Variants in RNF144B observed in about 807,000 individuals in gnomAD.
RNF144B encodes E3 ubiquitin-protein ligase RNF144B.
Under a neutral mutation model 40.2 loss-of-function variants are expected in RNF144B, and 25 were observed. The ratio of observed to expected loss-of-function variants is 0.62; its 90% CI spans 0.45 to 0.87. The LOEUF (loss-of-function observed/expected upper bound fraction) is 0.87. Among genes scored for constraint, RNF144B ranks in the 40% least tolerant of loss-of-function variants. RNF144B has a pLI of 0.00. For missense variants in RNF144B, 365 were observed against 373.7 expected, an observed-to-expected ratio of 0.98 and a Z score of 0.19; for synonymous variants, 145 against 136.3, an observed-to-expected ratio of 1.06 and a Z score of -0.44.
chr6:18,416,779 G>C lies in RNF144B; in HGVS notation c.166-10802G>C, dbSNP rs913114668. On this transcript the variant is annotated intron_variant, in intron 2 of 7. Coordinates refer to ENST00000259939, the MANE Select transcript of RNF144B (RefSeq NM_182757.4). The surrounding 1 kb of genome is among the most constrained non-coding windows in gnomAD (Gnocchi z 5.5). ...CTCTATGGAGAGGTTGGGTAGAAAA[G>C]AGTGATGAGGGGCATAAAAGTATCT... Among the ~76,000 whole-genome samples, 3 of 152,172 alleles carry C rather than the reference G, an allele frequency of 2.0e-5. No individual in the cohort carries two copies. Among genetic ancestry groups the C allele is most frequent in the African/African-American group, 4.8e-5 (2 of 41,444 alleles).
intron 4 of RNF144B, among the ~76,000 whole-genome samples, chr6:18,452,511 A>T (rs1474916188): frequency 6.6e-6 from 1 of 152,218 alleles, no homozygotes; most frequent in African/African-American, 2.4e-5. Flanking sequence ...AATGTGTTTC[A>T]GTATTATAAA....
intron 4 of RNF144B, among the ~76,000 whole-genome samples, chr6:18,451,045 A>G (rs1296518413): frequency 1.3e-5 from 2 of 152,254 alleles, no homozygotes; most frequent in Non-Finnish European, 2.9e-5. Context: ...CTTTCCATAT[A>G]TAACTATTAA....
At chr6:18,440,429 C>G (rs957841493) in intron 4 of RNF144B, among the ~76,000 whole-genome samples, 5 of 151,976 alleles carry the variant, frequency 3.3e-5, no homozygotes, top group Admixed American at 6.6e-5. Context: ...AATTGTTTCT[C>G]CCAGAAGTTA....
rs1758779113 is a variant in RNF144B, at chr6:18,434,726, A to G, written c.271-4958A>G. 6.6e-6 allele frequency among the ~76,000 whole-genome samples: 1 copy of G among 152,134 alleles called. No homozygotes were observed. The highest frequency in any genetic ancestry group is 2.4e-5 in the African/African-American group (1 of 41,426). On this transcript the variant is annotated intron_variant, in intron 3 of 7. Transcript: ENST00000259939. This position sits in a 1 kb window ranked among gnomAD's most constrained non-coding sequence, Gnocchi z 4.1. ...AAGCTCCGCCTCCCAGGTTCATGCC[A>G]TTCTGCTGCCTCAGCCTCCTGAGTA...
At position 18,395,379 on chromosome 6, in the gene RNF144B, A is replaced by G. The variant is rs1448647755; in HGVS notation, c.-36-4120A>G. On this transcript the variant is annotated intron_variant, in intron 1 of 7. Transcript: ENST00000259939. This position sits in a 1 kb window ranked among gnomAD's most constrained non-coding sequence, Gnocchi z 4.5. ...AATGCCCTGAGCTTCCTGAGGCTCT[A>G]CTATTGGGGGTTTCATGCTGTGAAG... 6.6e-6 allele frequency among the ~76,000 whole-genome samples: 1 copy of G among 152,132 alleles called. No individual in the cohort carries two copies. Among genetic ancestry groups the G allele is most frequent in the Non-Finnish European group, 1.5e-5 (1 of 68,028 alleles).
At chr6:18,401,702 A>G (rs1222533790) in intron 2 of RNF144B, among the ~76,000 whole-genome samples, 1 of 152,190 alleles carries the variant, frequency 6.6e-6, no homozygotes, top group Non-Finnish European at 1.5e-5. Flanking sequence ...TTCAGTATCA[A>G]ATGTTTTGTA....
rs1759583178 is a variant in RNF144B at position 18,466,989 on chromosome 6, C to G, written c.*1922C>G. ...TATTGTGTCTTTTTCTTTTGAAACT[C>G]TAAACACTTCAGAAAAAAACACTAT... On this transcript the variant is annotated 3_prime_UTR_variant, in exon 8 of 8. Transcript: ENST00000259939. 6.6e-6 allele frequency: 1 copy of G among 152,276 alleles called. No individual in the cohort carries two copies. The highest frequency in any genetic ancestry group is 2.1e-4 in the South Asian group (1 of 4,806). 9.4% of individuals were successfully genotyped at this position (152,276 alleles called of 1,614,324 possible).
chr6:18,419,138 A>G lies in RNF144B; in HGVS notation c.166-8443A>G, dbSNP rs80089383. ...ACATTCAAGTTTGAGAAACATTGTC[A>G]GTAAGGTAGTTGAATAGTAAGGCAG... is the stretch of plus-strand genomic sequence containing the variant. On this transcript the variant is annotated intron_variant, in intron 2 of 7. Coordinates refer to ENST00000259939, the MANE Select transcript of RNF144B (RefSeq NM_182757.4). The surrounding 1 kb of genome is among the most constrained non-coding windows in gnomAD (Gnocchi z 4.6). 9.8e-5 allele frequency among the ~76,000 whole-genome samples: 15 copies of G among 152,288 alleles called. No homozygotes were observed. The East Asian group carries it at 2.3e-3, about 24-fold the overall frequency.
chr6:18,422,632 C>T lies in RNF144B; in HGVS notation c.166-4949C>T, dbSNP rs552595570. 7.2e-5 allele frequency among the ~76,000 whole-genome samples: 11 copies of T among 152,240 alleles called. No homozygotes were observed. Among genetic ancestry groups the T allele is most frequent in the Non-Finnish European group, 1.5e-4 (10 of 68,020 alleles). Reference sequence around the variant, plus strand: ...GACCACAGGACCCCAGCGCCTGCATCCAGAAGCATCTAAGATCCTGGAAGT... The same window carrying T: ...GACCACAGGACCCCAGCGCCTGCATTCAGAAGCATCTAAGATCCTGGAAGT... On this transcript the variant is annotated intron_variant, in intron 2 of 7. Coordinates refer to ENST00000259939, the MANE Select transcript of RNF144B (RefSeq NM_182757.4). The surrounding 1 kb of genome is among the most constrained non-coding windows in gnomAD (Gnocchi z 4.7).
intron 3 of RNF144B, among the ~76,000 whole-genome samples, chr6:18,436,321 G>A (rs986428371): frequency 6.6e-6 from 1 of 152,062 alleles, no homozygotes; most frequent in African/African-American, 2.4e-5. Context: ...ACCACAGCTA[G>A]GTACAAGTTG....
intron 7 of RNF144B, among the ~76,000 whole-genome samples, chr6:18,463,601 C>T (rs1759516387): frequency 6.6e-6 from 1 of 152,162 alleles, no homozygotes; most frequent in Admixed American, 6.5e-5. Context: ...AACAGGGGCA[C>T]CAGAGCTGCC....
At chr6:18,451,877 T>A (rs1249009893) in intron 4 of RNF144B, among the ~76,000 whole-genome samples, 1 of 152,224 alleles carries the variant, frequency 6.6e-6, no homozygotes, top group Admixed American at 6.5e-5. Flanking sequence ...AAGTGATACT[T>A]CATAAAGGAG....
chr6:18,399,557 A>G lies in RNF144B; in HGVS notation c.23A>G (p.His8Arg), dbSNP rs1254151929. ...CTGATGGGCTCAGCTGGTAGGCTCC[A>G]CTATCTCGCCATGACTGCTGAAAAT... is the stretch of plus-strand genomic sequence containing the variant. MGSAGRLHYLAMTAENPT... is the reference protein window; with the variant it reads MGSAGRLRYLAMTAENPT... Residue 8 changes from histidine to arginine, a missense_variant, in exon 2 of 8, where the codon CAC becomes CGC. Transcript: ENST00000259939. 2 of 1,614,044 alleles carry G rather than the reference A, an allele frequency of 1.2e-6. No homozygotes were observed. The highest frequency in any genetic ancestry group is 1.3e-5 in the African/African-American group (1 of 74,920).
Position 18,412,666 on chromosome 6 carries a change from T to C in RNF144B, c.165+12967T>C, listed in dbSNP as rs1795071145. ...GTGAGTTAACTAGAAAATTCAGTTT[T>C]TTAAAATCCCATTTTCTGTATATTT... On this transcript the variant is annotated intron_variant, in intron 2 of 7. Coordinates refer to ENST00000259939, the MANE Select transcript of RNF144B (RefSeq NM_182757.4). This position sits in a 1 kb window ranked among gnomAD's most constrained non-coding sequence, Gnocchi z 4.2. Among the ~76,000 whole-genome samples the C allele has an allele frequency of 6.6e-6, 1 of 152,206 alleles. No individual in the cohort carries two copies. Among genetic ancestry groups the C allele is most frequent in the Non-Finnish European group, 1.5e-5 (1 of 68,038 alleles).
At chr6:18,433,649 G>A (rs1758746138) in intron 3 of RNF144B, among the ~76,000 whole-genome samples, 1 of 152,170 alleles carries the variant, frequency 6.6e-6, no homozygotes, top group Non-Finnish European at 1.5e-5. Context: ...ACAAAGACCA[G>A]TGAAAGCTGC....
rs760698757 is a variant in RNF144B, at chr6:18,439,752, C to A, written c.331+8C>A. On this transcript the variant is annotated splice_region_variant and intron_variant, in intron 4 of 7. Transcript: ENST00000259939. ...GGTTAAAATTTGAAAGAGGTATGAA[C>A]TCTTCTTTTTTTCCTGATGATGAAT... The A allele has an allele frequency of 9.4e-6, 15 of 1,589,996 alleles. No individual in the cohort carries two copies. The East Asian group carries it at 1.1e-4, about 12-fold the overall frequency.
In RNF144B at chr6:18,442,012, A is replaced by G. The variant is rs918016483; in HGVS notation, c.331+2268A>G. On this transcript the variant is annotated intron_variant, in intron 4 of 7. Transcript: ENST00000259939. This position sits in a 1 kb window ranked among gnomAD's most constrained non-coding sequence, Gnocchi z 4.3. ...ACCGTTCTTCAGGAAATATCATCAT[A>G]CTGAAGTAGATATTATTGATTGTCT... Among the ~76,000 whole-genome samples the G allele has an allele frequency of 6.6e-6, 1 of 152,222 alleles. No individual in the cohort carries two copies. Among genetic ancestry groups the G allele is most frequent in the Non-Finnish European group, 1.5e-5 (1 of 68,042 alleles).
chr6:18,467,419 T>TTTTTTC lies in RNF144B; in HGVS notation c.*2352_*2353insTTTTTC, dbSNP rs1364753612. On this transcript the variant is annotated 3_prime_UTR_variant, in exon 8 of 8. Coordinates refer to ENST00000259939, the MANE Select transcript of RNF144B (RefSeq NM_182757.4). The stretch of plus-strand genomic sequence containing the variant: ...GCTTTTGTTTTTTTTTTTTTTTTTT[T>TTTTTTC]GCCAGGGCTATGGAGTGGGGGTTGT... The TTTTTTC allele has an allele frequency of 6.6e-6, 1 of 150,558 alleles. No individual in the cohort carries two copies. Among genetic ancestry groups the TTTTTTC allele is most frequent in the Non-Finnish European group, 1.5e-5 (1 of 67,746 alleles). The allele number at this position is 150,558 out of a possible 1,614,324, so 9.3% of individuals were successfully genotyped here. A position where few individuals can be genotyped will look rare whatever the true frequency, so the allele number is the denominator to read the frequency against.
In RNF144B at chr6:18,416,384, G is replaced by T. The variant is rs6911635; in HGVS notation, c.166-11197G>T. On this transcript the variant is annotated intron_variant, in intron 2 of 7. Transcript: ENST00000259939. The surrounding 1 kb of genome is among the most constrained non-coding windows in gnomAD (Gnocchi z 5.5). ...TCTTCCATTTTAGCAAATTTGTTTG[G>T]CTTTCTTGTGAAGCCTGGACCAGGC... Among the ~76,000 whole-genome samples the T allele has an allele frequency of 0.18, 27,139 of 152,162 alleles. 2,676 individuals carry two copies. The highest frequency in any genetic ancestry group is 0.25 in the East Asian group (1,298 of 5,162).
Sources: gnomAD v4.1 joint callset for allele counts (sites outside exome capture counted in the v4.1 genomes callset) on GRCh38, gnomAD v4.1.1 for gene constraint, Gnocchi (gnomAD v3.1) non-coding constraint, MANE v1.5 for transcripts, NCBI Gene and HGNC (gene_info 2026-07-23, HGNC 2026-07-21) for gene names.